CD200R1L: variants seen among roughly 807,000 people sequenced by gnomAD.
CD200R1L encodes CD200 receptor 1 like.
A neutral mutation model predicts 24.8 loss-of-function variants in CD200R1L; 14 were observed. The observed-to-expected ratio is 0.56, with a 90% confidence interval of 0.37 to 0.88. The LOEUF is 0.88. CD200R1L is among the 40% of genes least tolerant of loss of function. The probability of loss-of-function intolerance (pLI) is 0.00; values close to 1 mark genes in which losing one functional copy is unlikely to be tolerated. For synonymous variants in CD200R1L, 111 were observed against 109.2 expected (o/e 1.02, Z -0.11); for missense variants, 299 against 297.8 (o/e 1.00, Z -0.03).
chr3:112,831,151 A>C (rs1343629401), intron 3 of CD200R1L, among the ~76,000 whole-genome samples: 1 of 152,194 alleles, frequency 6.6e-6, no homozygotes, highest in Non-Finnish European at 1.5e-5. Context: ...ATAACGTTTA[A>C]TTTCTGTTTT....
chr3:112,830,774 T>C, intron 3 of CD200R1L, among the ~76,000 whole-genome samples: 1 of 151,976 alleles, frequency 6.6e-6, no homozygotes, highest in Non-Finnish European at 1.5e-5. Flanking sequence ...TTTTTCTTAA[T>C]AAGTATTTTA....
rs749906665 is a variant in CD200R1L, at chr3:112,819,765, T to C, written c.740+7A>G. The C allele has an allele frequency of 1.9e-6, 3 of 1,594,708 alleles. No homozygotes were observed. The highest frequency in any genetic ancestry group is 2.6e-6 in the Non-Finnish European group (3 of 1,174,578). On this transcript the variant is annotated splice_region_variant and intron_variant, in intron 7 of 7. Coordinates refer to ENST00000488794, the MANE Select transcript of CD200R1L (RefSeq NM_001199215.3). ...GTGTCTTATGCTTTTCAGTCTTCAG[T>C]TCCTACCTGACATGATTTATCCTCT... is the stretch of plus-strand genomic sequence containing the variant.
intron 4 of CD200R1L, among the ~76,000 whole-genome samples, chr3:112,828,969 G>A (rs1938732690): frequency 6.6e-6 from 1 of 152,144 alleles, no homozygotes; most frequent in Non-Finnish European, 1.5e-5. Context: ...TCCTGTTTTG[G>A]TGTCACCTGT....
intron 3 of CD200R1L, among the ~76,000 whole-genome samples, chr3:112,830,351 T>A (rs1369976275): frequency 2.6e-5 from 4 of 152,122 alleles, no homozygotes; most frequent in Admixed American, 2.6e-4. Flanking sequence ...GTGGACATCA[T>A]CATGGGTGAT....
At chr3:112,828,716 C>T (rs571367724) in intron 4 of CD200R1L, among the ~76,000 whole-genome samples, 5 of 152,254 alleles carry the variant, frequency 3.3e-5, no homozygotes, top group Admixed American at 3.3e-4. Context: ...AGCCCTGCAT[C>T]CTACAAGCAT....
chr3:112,846,455 A>G (rs1279840805), intron 1 of CD200R1L, among the ~76,000 whole-genome samples, 170 bp downstream of exon 1: 1 of 152,206 alleles, frequency 6.6e-6, no homozygotes, highest in Admixed American at 6.5e-5. Context: ...CTTGTTTTGT[A>G]CATAATTTTT....
chr3:112,828,166 T>C (rs557757400), intron 4 of CD200R1L, among the ~76,000 whole-genome samples: 5 of 152,360 alleles, frequency 3.3e-5, no homozygotes, highest in African/African-American at 1.2e-4. Flanking sequence ...GAAAAATCAG[T>C]AACATCAAAG....
chr3:112,839,072 C>T lies in CD200R1L; in HGVS notation c.-86-1062G>A, dbSNP rs75032854. The stretch of plus-strand genomic sequence containing the variant: ...ACACACACACACATACACACACACA[C>T]GTACATACACACATAAATATACATA... On this transcript the variant is annotated intron_variant, in intron 2 of 7. Coordinates refer to ENST00000488794, the MANE Select transcript of CD200R1L (RefSeq NM_001199215.3). Among the ~76,000 whole-genome samples, 302 of 152,250 alleles carry T rather than the reference C, an allele frequency of 2.0e-3. 1 individual carries two copies. The East Asian group carries it at 0.029, about 14-fold the overall frequency.
At chr3:112,840,619 T>C (rs1414351535) in intron 2 of CD200R1L, among the ~76,000 whole-genome samples, 1 of 152,206 alleles carries the variant, frequency 6.6e-6, no homozygotes, top group Admixed American at 6.5e-5. Context: ...TCACTATTCA[T>C]TTGTTTAGTG....
intron 6 of CD200R1L, among the ~76,000 whole-genome samples, chr3:112,826,186 A>G (rs1372203225): frequency 6.6e-6 from 1 of 152,134 alleles, no homozygotes; most frequent in Admixed American, 6.6e-5. Flanking sequence ...CACAATAGCT[A>G]ATTTTTATTA....
intron 3 of CD200R1L, among the ~76,000 whole-genome samples, chr3:112,834,721 C>A (rs1307087004): frequency 1.3e-5 from 2 of 152,244 alleles, no homozygotes; most frequent in African/African-American, 4.8e-5. Flanking sequence ...GATCCCACAT[C>A]TGCCAAGGAC....
intron 4 of CD200R1L, 151 bp downstream of exon 4, chr3:112,829,168 A>G (rs909563845): frequency 1.4e-5 from 8 of 587,880 alleles, no homozygotes; most frequent in South Asian, 2.4e-5. Flanking sequence ...AGAGACTGGG[A>G]CATTCAGGGT....
chr3:112,830,421 G>T (rs1938768114), intron 3 of CD200R1L, among the ~76,000 whole-genome samples: 1 of 151,218 alleles, frequency 6.6e-6, no homozygotes, highest in African/African-American at 2.4e-5. Context: ...CCCATAATGA[G>T]TGAGGACAAT....
intron 3 of CD200R1L, among the ~76,000 whole-genome samples, chr3:112,836,479 T>C (rs1938949857): frequency 6.6e-6 from 1 of 152,212 alleles, no homozygotes; most frequent in African/African-American, 2.4e-5. Context: ...AATCATTAAA[T>C]ATGCATAAAT....
chr3:112,816,326 C>T (rs977304016), intron 7 of CD200R1L, among the ~76,000 whole-genome samples: 2 of 152,180 alleles, frequency 1.3e-5, no homozygotes, highest in Admixed American at 6.5e-5. Context: ...TGAGGGGACA[C>T]AGCTCTGATC....
chr3:112,820,020 C>A (rs1938496111), intron 6 of CD200R1L, 125 bp from the exon 7 acceptor site: 2 of 820,494 alleles, frequency 2.4e-6, no homozygotes, highest in Middle Eastern at 3.1e-4. Flanking sequence ...AATCATAAAA[C>A]CTTCTAAATT....
Position 112,827,667 on chromosome 3 carries a change from C to T in CD200R1L, c.67G>A (p.Val23Ile). ...AGCACAGCATTTATATCCATCAGTA[C>T]AGGCTGTGAAATGTTACCTGGACAC... ...IFAEGNISQP[V>I]LMDINAVLCC... Residue 23 changes from valine to isoleucine, a missense_variant, in exon 5 of 8, where the codon GTA becomes ATA. By Grantham distance (29) the Val-to-Ile change is conservative. Coordinates refer to ENST00000488794, the MANE Select transcript of CD200R1L (RefSeq NM_001199215.3). The T allele has an allele frequency of 6.2e-7, 1 of 1,613,192 alleles. No homozygotes were observed. Among genetic ancestry groups the T allele is most frequent in the African/African-American group, 1.3e-5 (1 of 74,980 alleles).
chr3:112,823,594 C>T (rs1487739101), intron 6 of CD200R1L, among the ~76,000 whole-genome samples: 1 of 152,004 alleles, frequency 6.6e-6, no homozygotes, highest in Non-Finnish European at 1.5e-5. Flanking sequence ...TGAATGAAAA[C>T]AGTGCCAAGC....
At chr3:112,841,345 C>A in intron 2 of CD200R1L, 1 of 432,638 alleles carries the variant, frequency 2.3e-6, no homozygotes, top group South Asian at 1.7e-5. Flanking sequence ...CCTGTACAGC[C>A]TGTGGAACAG....
Sources: allele counts gnomAD v4.1 joint callset (sites outside exome capture counted in the v4.1 genomes callset), GRCh38; gene constraint gnomAD v4.1.1; transcripts MANE v1.5; gene names NCBI Gene and HGNC (gene_info 2026-07-23, HGNC 2026-07-21).